The following SYN3 variants were observed in gnomAD, a reference collection of about 807,000 sequenced individuals.
The protein encoded by SYN3 is synapsin III.
Under a neutral mutation model 65.8 loss-of-function variants are expected in SYN3, and 35 were observed. The ratio of observed to expected loss-of-function variants is 0.53; its 90% confidence interval spans 0.41 to 0.70. SYN3 has a LOEUF of 0.70. Ranked by LOEUF, SYN3 falls within the 30% of genes least tolerant of loss-of-function variation. The pLI is 0.00. For synonymous variants in SYN3, 270 were observed against 292.9 expected (o/e 0.92, Z 0.80); for missense variants, 680 against 749.0 (o/e 0.91, Z 1.08).
At chr22:32,781,295 C>T (rs2046056912) in intron 6 of SYN3, among the ~76,000 whole-genome samples, 1 of 152,050 alleles carries the variant, frequency 6.6e-6, no homozygotes, top group Admixed American at 6.6e-5. Context: ...TCCCTCTCAC[C>T]CTCATGGTGC....
chr22:32,603,065 G>A (rs114203821), intron 6 of SYN3, among the ~76,000 whole-genome samples: 185 of 151,382 alleles, frequency 1.2e-3, no homozygotes, highest in African/African-American at 4.2e-3. Context: ...AAATGAAACC[G>A]GATGCCATGG....
intron 6 of SYN3, among the ~76,000 whole-genome samples, chr22:32,843,536 C>T (rs192783002): frequency 1.3e-3 from 205 of 152,356 alleles, no homozygotes; most frequent in Non-Finnish European, 2.4e-3. Flanking sequence ...AGGCCGCTCC[C>T]TTTGTCATCC....
At chr22:32,979,293 C>T (rs145143421) in intron 3 of SYN3, among the ~76,000 whole-genome samples, 1 of 152,130 alleles carries the variant, frequency 6.6e-6, no homozygotes, top group Admixed American at 6.6e-5. Context: ...TCTATATACT[C>T]GTTCTCCACA....
At chr22:32,876,050 T>C (rs994014181) in intron 4 of SYN3, among the ~76,000 whole-genome samples, 1 of 152,216 alleles carries the variant, frequency 6.6e-6, no homozygotes, top group African/African-American at 2.4e-5. Context: ...TTAGTCTGTT[T>C]GGGCTGCTAG....
At chr22:32,779,387 G>A (rs2045979597) in intron 6 of SYN3, among the ~76,000 whole-genome samples, 1 of 152,184 alleles carries the variant, frequency 6.6e-6, no homozygotes, top group Non-Finnish European at 1.5e-5. Flanking sequence ...TTGAACCTGG[G>A]AGGCGGAGGT....
At chr22:32,771,302 C>T (rs571481153) in intron 6 of SYN3, among the ~76,000 whole-genome samples, 74 of 152,276 alleles carry the variant, frequency 4.9e-4, no homozygotes, top group African/African-American at 1.8e-3. Flanking sequence ...CTGAAGTTGT[C>T]CACCATGGAG....
Position 32,518,546 on chromosome 22 carries a change from A to T in SYN3, c.1319-212T>A, listed in dbSNP as rs552056530. On this transcript the variant is annotated intron_variant, in intron 12 of 13. Coordinates refer to ENST00000358763, the MANE Select transcript of SYN3 (RefSeq NM_003490.4). Reference sequence around the variant, plus strand: ...GAATATGCTGTGGTCATCACATAGGATGTGGCTGAGTAATACTAAATGACA... The same window carrying T: ...GAATATGCTGTGGTCATCACATAGGTTGTGGCTGAGTAATACTAAATGACA... 64 of 708,866 alleles carry T rather than the reference A, an allele frequency of 9.0e-5. No individual in the cohort carries two copies. The African/African-American group carries it at 9.4e-4, about 10-fold the overall frequency. The allele number at this position is 708,866 out of a possible 1,614,324, so 43.9% of individuals were successfully genotyped here.
At chr22:32,869,585 CT>C (rs890670236) in intron 4 of SYN3, among the ~76,000 whole-genome samples, 1 of 151,754 alleles carries the variant, frequency 6.6e-6, no homozygotes, top group Non-Finnish European at 1.5e-5. Context: ...GACTAAGTCA[CT>C]TGTTCAAAAA....
intron 6 of SYN3, among the ~76,000 whole-genome samples, chr22:32,793,736 G>C (rs1261666796): frequency 6.6e-6 from 1 of 152,224 alleles, no homozygotes; most frequent in Non-Finnish European, 1.5e-5. Context: ...TGTCAGTGGA[G>C]AATTCATGAT....
chr22:32,528,929 T>G lies in SYN3; in HGVS notation c.1175A>C (p.Lys392Thr). Residue 392 changes from lysine to threonine, a missense_variant, in exon 11 of 14, where the codon AAA becomes ACA. Coordinates refer to ENST00000358763, the MANE Select transcript of SYN3 (RefSeq NM_003490.4). Reference sequence around the variant, plus strand: ...TCCTGGCATCGGGAGCTGGCTCATTTTGGAGACAACAAGGTCGGCCATCAG... The same window carrying G: ...TCCTGGCATCGGGAGCTGGCTCATTGTGGAGACAACAAGGTCGGCCATCAG... ...RQLMADLVVS[K>T]MSQLPMPGGT... The G allele has an allele frequency of 6.2e-7, 1 of 1,614,138 alleles. No homozygotes were observed. The highest frequency in any genetic ancestry group is 8.5e-7 in the Non-Finnish European group (1 of 1,180,048).
chr22:32,868,370 CAT>C (rs2048745770), intron 5 of SYN3, among the ~76,000 whole-genome samples: 2 of 151,048 alleles, frequency 1.3e-5, no homozygotes, highest in Non-Finnish European at 2.9e-5. Context: ...TATGTAATAT[CAT>C]ATATCATATA....
At chr22:33,044,060 A>G (rs1325251221) in intron 1 of SYN3, among the ~76,000 whole-genome samples, 1 of 152,150 alleles carries the variant, frequency 6.6e-6, no homozygotes, top group Non-Finnish European at 1.5e-5. Flanking sequence ...TCAAAAAAAA[A>G]AAAAAGTGCA....
At chr22:32,941,678 T>C (rs1236060788) in intron 3 of SYN3, among the ~76,000 whole-genome samples, 2 of 151,792 alleles carry the variant, frequency 1.3e-5, no homozygotes, top group Admixed American at 6.6e-5. Context: ...GCGCAAGGGG[T>C]AAGGGAATTC....
chr22:32,974,234 G>A (rs770344925), intron 3 of SYN3, among the ~76,000 whole-genome samples: 2 of 152,242 alleles, frequency 1.3e-5, no homozygotes, highest in Non-Finnish European at 2.9e-5. Flanking sequence ...GGACCCTGAA[G>A]TCAGACTGGC....
intron 6 of SYN3, among the ~76,000 whole-genome samples, chr22:32,704,838 G>T (rs1475748481): frequency 1.3e-5 from 2 of 152,166 alleles, no homozygotes; most frequent in Admixed American, 6.5e-5. Context: ...TTACATGTTT[G>T]TTGGCTGTAT....
At chr22:32,803,921 A>G (rs1431999548) in intron 6 of SYN3, among the ~76,000 whole-genome samples, 1 of 152,140 alleles carries the variant, frequency 6.6e-6, no homozygotes, top group Non-Finnish European at 1.5e-5. Flanking sequence ...CTAAAAATTG[A>G]CCACGGAAAA....
At chr22:32,988,380 T>C (rs1038803562) in intron 2 of SYN3, among the ~76,000 whole-genome samples, 4 of 150,370 alleles carry the variant, frequency 2.7e-5, no homozygotes, top group African/African-American at 4.9e-5. Context: ...GTACTATGAA[T>C]AAAATGCACA....
intron 6 of SYN3, among the ~76,000 whole-genome samples, chr22:32,741,313 GATTCAGACCCAAGC>G (rs1193746376): frequency 2.0e-5 from 3 of 150,496 alleles, no homozygotes; most frequent in Non-Finnish European, 4.4e-5. Context: ...CCAAAGCTGG[GATTCAGACCCAAGC>G]ATTCTGGCTC....
intron 12 of SYN3, among the ~76,000 whole-genome samples, chr22:32,524,600 A>G (rs2057943843): frequency 6.6e-6 from 1 of 152,224 alleles, no homozygotes; most frequent in Non-Finnish European, 1.5e-5. Context: ...ATCTATCCAC[A>G]CAATAGTTCT....
Sources: gnomAD v4.1 joint callset for allele counts (sites outside exome capture counted in the v4.1 genomes callset) on GRCh38, gnomAD v4.1.1 for gene constraint, MANE v1.5 for transcripts, NCBI Gene and HGNC (gene_info 2026-07-23, HGNC 2026-07-21) for gene names.